Variants in LUZP2 observed in about 807,000 individuals in gnomAD.
The protein encoded by LUZP2 is leucine zipper protein 2.
LUZP2 carries 52 observed loss-of-function variants against 51.6 expected under a neutral mutation model. The observed-to-expected ratio is 1.01, with a 90% CI of 0.81 to 1.27. The LOEUF (loss-of-function observed/expected upper bound fraction) is 1.27, where lower values mean the gene tolerates loss of function less well. Ranked by LOEUF, LUZP2 falls within the 50% of genes most tolerant of loss-of-function variation. The probability of loss-of-function intolerance (pLI) is 0.00; values close to 1 mark genes in which losing one functional copy is unlikely to be tolerated. For synonymous variants in LUZP2, 154 were observed against 137.3 expected (o/e 1.12, Z -0.85); for missense variants, 436 against 395.4 (o/e 1.10, Z -0.87).
chr11:24,566,665 G>T (rs1852236373), intron 1 of LUZP2, among the ~76,000 whole-genome samples: 1 of 146,286 alleles, frequency 6.8e-6, no homozygotes, highest in African/African-American at 2.5e-5. Context: ...CTGGGCTTTA[G>T]CCTGAGATCC....
chr11:24,877,951 C>T lies in LUZP2; in HGVS notation c.397-28040C>T, dbSNP rs188266544. Among the ~76,000 whole-genome samples, 19 of 152,182 alleles carry T rather than the reference C, an allele frequency of 1.2e-4. 1 individual carries two copies. The highest frequency in any genetic ancestry group is 3.1e-4 in the African/African-American group (13 of 41,562). ...AAATAACAGGATCTCATATTTTTTA[C>T]GGCTAAACAGTACTCCATTGTGTAT... On this transcript the variant is annotated intron_variant, in intron 5 of 11. Coordinates refer to ENST00000336930, the MANE Select transcript of LUZP2 (RefSeq NM_001009909.4).
intron 5 of LUZP2, among the ~76,000 whole-genome samples, chr11:24,885,670 CAT>C (rs1852647134): frequency 6.6e-6 from 1 of 152,088 alleles, no homozygotes; most frequent in Non-Finnish European, 1.5e-5. Flanking sequence ...GTCATCATCT[CAT>C]GTTTCTCATG....
At chr11:24,614,623 C>A (rs966559674) in intron 1 of LUZP2, among the ~76,000 whole-genome samples, 3 of 151,826 alleles carry the variant, frequency 2.0e-5, no homozygotes, top group East Asian at 3.9e-4. Context: ...TGTTCAAATG[C>A]GTAAAAATTA....
intron 5 of LUZP2, among the ~76,000 whole-genome samples, chr11:24,900,811 A>G (rs921573760): frequency 2.0e-5 from 3 of 152,166 alleles, no homozygotes; most frequent in African/African-American, 4.8e-5. Flanking sequence ...CATAGCTGCA[A>G]TGGAGTGTCT....
intron 1 of LUZP2, among the ~76,000 whole-genome samples, chr11:24,627,870 C>G (rs529222058): frequency 1.3e-5 from 2 of 152,278 alleles, no homozygotes; most frequent in South Asian, 2.1e-4. Context: ...AAATGTAATA[C>G]AGATAATGAC....
At chr11:24,846,753 T>G (rs1851210795) in intron 5 of LUZP2, among the ~76,000 whole-genome samples, 1 of 152,066 alleles carries the variant, frequency 6.6e-6, no homozygotes, top group Non-Finnish European at 1.5e-5. Flanking sequence ...CTATTGCAGC[T>G]ACAATAATCC....
At chr11:24,576,400 G>A (rs1417826097) in intron 1 of LUZP2, among the ~76,000 whole-genome samples, 21 of 124,998 alleles carry the variant, frequency 1.7e-4, no homozygotes, top group Middle Eastern at 4.9e-3. Flanking sequence ...GCAACAGGGC[G>A]AGACTCCATC....
intron 1 of LUZP2, chr11:24,701,444 A>G (rs7109593): frequency 0.22 from 37,298 of 166,942 alleles, 4,381 homozygotes; most frequent in East Asian, 0.33. Context: ...GAAAAGGGGA[A>G]GAGCAAAGGG....
At chr11:25,011,887 TA>T (rs1856994605) in intron 9 of LUZP2, among the ~76,000 whole-genome samples, 1 of 151,640 alleles carries the variant, frequency 6.6e-6, no homozygotes, top group African/African-American at 2.4e-5. Context: ...GTTTTTATTT[TA>T]AAATTTAATA....
At chr11:24,938,616 T>C (rs1468520566) in intron 7 of LUZP2, among the ~76,000 whole-genome samples, 1 of 152,152 alleles carries the variant, frequency 6.6e-6, no homozygotes, top group Non-Finnish European at 1.5e-5. Context: ...GTTAACTCAA[T>C]GTTGCACCAC....
chr11:24,743,910 G>T (rs73440930), intron 4 of LUZP2, among the ~76,000 whole-genome samples: 1 of 151,878 alleles, frequency 6.6e-6, no homozygotes. Context: ...AGGGACGCTG[G>T]GTTTTGGAGA....
intron 1 of LUZP2, among the ~76,000 whole-genome samples, chr11:24,633,296 A>G (rs543569683): frequency 3.9e-4 from 59 of 152,190 alleles, no homozygotes; most frequent in Admixed American, 3.9e-4. Flanking sequence ...AAATAAAATG[A>G]GGATATATAG....
At chr11:25,073,954 G>T (rs966406004) in intron 10 of LUZP2, among the ~76,000 whole-genome samples, 1 of 152,146 alleles carries the variant, frequency 6.6e-6, no homozygotes, top group African/African-American at 2.4e-5. Context: ...TACAGCCAAA[G>T]AACCCGAAGC....
chr11:24,859,856 C>T (rs1565005513), intron 5 of LUZP2, among the ~76,000 whole-genome samples: 1 of 152,200 alleles, frequency 6.6e-6, no homozygotes, highest in African/African-American at 2.4e-5. Context: ...GAAGATCCCA[C>T]TTGTGAACCC....
At chr11:25,023,426 G>A (rs1397837669) in intron 9 of LUZP2, among the ~76,000 whole-genome samples, 2 of 152,188 alleles carry the variant, frequency 1.3e-5, no homozygotes, top group Non-Finnish European at 1.5e-5. Context: ...TAGTTTATTT[G>A]CATAGAGATA....
chr11:24,966,264 G>T (rs1029142118), intron 7 of LUZP2, among the ~76,000 whole-genome samples: 6 of 151,200 alleles, frequency 4.0e-5, no homozygotes, highest in African/African-American at 1.5e-4. Context: ...TTTTCTTAAT[G>T]GTTGTCTTCT....
At chr11:24,619,094 T>C (rs369966442) in intron 1 of LUZP2, among the ~76,000 whole-genome samples, 1 of 152,094 alleles carries the variant, frequency 6.6e-6, no homozygotes, top group Non-Finnish European at 1.5e-5. Context: ...AATGGCATGA[T>C]CGTAGCTCAC....
At chr11:24,742,476 G>A (rs893938369) in intron 4 of LUZP2, among the ~76,000 whole-genome samples, 1 of 151,828 alleles carries the variant, frequency 6.6e-6, no homozygotes, top group African/African-American at 2.4e-5. Flanking sequence ...TTTTTCATAT[G>A]TTTATTTGCA....
intron 1 of LUZP2, among the ~76,000 whole-genome samples, chr11:24,589,216 T>C (rs956328126): frequency 2.0e-5 from 3 of 152,116 alleles, no homozygotes; most frequent in Admixed American, 1.3e-4. Flanking sequence ...CATTTTCTGT[T>C]CCTGTTTTTG....
Sources: allele counts gnomAD v4.1 joint callset (sites outside exome capture counted in the v4.1 genomes callset), GRCh38; gene constraint gnomAD v4.1.1; transcripts MANE v1.5; gene names NCBI Gene and HGNC (gene_info 2026-07-23, HGNC 2026-07-21).